The following CNNM1 variants were observed in gnomAD, a reference collection of about 807,000 sequenced individuals.
CNNM1 encodes metal transporter CNNM1.
Under a neutral mutation model 78.8 loss-of-function variants are expected in CNNM1, and 44 were observed. The ratio of observed to expected loss-of-function variants is 0.56; its 90% CI spans 0.44 to 0.72. The LOEUF (loss-of-function observed/expected upper bound fraction) is 0.72, where lower values mean the gene tolerates loss of function less well. Ranked by LOEUF, CNNM1 falls within the 30% of genes least tolerant of loss-of-function variation. The pLI, the probability that CNNM1 is intolerant of heterozygous loss-of-function variation, is 0.00. For missense variants in CNNM1, 1,101 were observed against 1,292.2 expected (o/e 0.85, Z 2.27); for synonymous variants, 584 against 581.5 (o/e 1.00, Z -0.06).
intron 3 of CNNM1, 46 bp from the exon 4 acceptor site, chr10:99,362,181 G>C: frequency 6.5e-7 from 1 of 1,543,136 alleles, no homozygotes; most frequent in Non-Finnish European, 8.8e-7. Context: ...GAATGGGTGG[G>C]ACACAGCTGA....
chr10:99,342,804 C>G (rs1295514368), intron 1 of CNNM1, among the ~76,000 whole-genome samples: 1 of 151,976 alleles, frequency 6.6e-6, no homozygotes, highest in Non-Finnish European at 1.5e-5. Context: ...ACAAGAGGCT[C>G]TAACAGCACT....
rs757590337 is a variant in CNNM1, at chr10:99,330,422, A to G, written c.1035A>G (p.Ser345=). ...TGGGCGCCGAAATCTGCCCCTACTCAGTGTGTTCGCGGCACGGGCTGGCCA... is the reference window on the plus strand; with the variant it reads ...TGGGCGCCGAAATCTGCCCCTACTCGGTGTGTTCGCGGCACGGGCTGGCCA... ...VFLGAEICPY[S]VCSRHGLAIA... Residue 345 remains serine, a synonymous_variant, in exon 1 of 11, where the codon TCA becomes TCG. Transcript: ENST00000356713. 12 of 1,593,976 alleles carry G rather than the reference A, an allele frequency of 7.5e-6. No individual in the cohort carries two copies. The African/African-American group carries it at 1.6e-4, about 21-fold the overall frequency.
chr10:99,388,285 C>T lies in CNNM1; in HGVS notation c.2658C>T (p.Ala886=), dbSNP rs141951948. ...STQQLTLSPA[A]VPTRAASDSE... ...AGCAGCTCACGCTGTCTCCTGCAGC[C>T]GTTCCCACGAGAGCAGGTCAGGGAG... Residue 886 remains alanine (A), a synonymous_variant, in exon 9 of 11, where the codon GCC becomes GCT. Coordinates refer to ENST00000356713, the MANE Select transcript of CNNM1 (RefSeq NM_020348.3). 1.4e-5 allele frequency: 23 copies of T among 1,613,526 alleles called. No homozygotes were observed. In the African/African-American group the frequency reaches 1.6e-4, roughly 11 times the overall value.
At chr10:99,345,436 C>T (rs1043023653) in intron 1 of CNNM1, among the ~76,000 whole-genome samples, 9 of 152,282 alleles carry the variant, frequency 5.9e-5, no homozygotes, top group African/African-American at 2.2e-4. Context: ...TCTCTCTTCT[C>T]CCAGGGACTA....
rs767479349 is a variant in CNNM1, at chr10:99,329,908, G to C, written c.521G>C (p.Arg174Pro). The C allele has an allele frequency of 8.7e-6, 12 of 1,384,994 alleles. No individual in the cohort carries two copies. The East Asian group carries it at 1.2e-4, about 14-fold the overall frequency. The allele number at this position is 1,384,994 out of a possible 1,614,324, so 85.8% of individuals were successfully genotyped here. A position where few individuals can be genotyped will look rare whatever the true frequency, so the allele number is the denominator to read the frequency against. ...GAGCTGCGCAAGGGCGAAGCGGAGC[G>C]GGGCGGCGCGGGCGGTGGCGGGAAG... is the stretch of plus-strand genomic sequence containing the variant. ...VRELRKGEAE[R>P]GGAGGGGKLF... The change falls in exon 1 of 11, where the codon CGG becomes CCG. Residue 174 changes from arginine (R) to proline (P), a missense_variant. By Grantham distance (103) the Arg-to-Pro change is moderately radical. This residue lies in a region of CNNM1 where 476 missense variants were observed against 484.5 expected (regional missense o/e 0.98). Coordinates refer to ENST00000356713, the MANE Select transcript of CNNM1 (RefSeq NM_020348.3).
At position 99,330,869 on chromosome 10, in the gene CNNM1, G is replaced by A. The variant is rs763656851; in HGVS notation, c.1482G>A (p.Pro494=). Residue 494 remains proline (P), a synonymous_variant, in exon 1 of 11, where the codon CCG becomes CCA. Transcript: ENST00000356713. ...LAFVDPDDCT[P]LLTVTRFYNR... ...TCGTGGACCCCGACGACTGCACCCCGCTCCTCACTGTCACCCGCTTCTACA... is the reference window on the plus strand; with the variant it reads ...TCGTGGACCCCGACGACTGCACCCCACTCCTCACTGTCACCCGCTTCTACA... 2.5e-6 allele frequency: 4 copies of A among 1,614,082 alleles called. No individual in the cohort carries two copies. The highest frequency in any genetic ancestry group is 1.1e-5 in the South Asian group (1 of 91,072).
intron 1 of CNNM1, among the ~76,000 whole-genome samples, chr10:99,346,622 A>G (rs959889393): frequency 2.2e-4 from 34 of 152,320 alleles, no homozygotes; most frequent in Admixed American, 6.5e-4. Context: ...GCCACTGAAC[A>G]TCTCCACTTA....
intron 9 of CNNM1, among the ~76,000 whole-genome samples, chr10:99,388,894 C>G (rs1265895845): frequency 1.3e-5 from 2 of 152,156 alleles, no homozygotes; most frequent in African/African-American, 2.4e-5. Context: ...CCCTCTGAGA[C>G]ACTGAACACT....
Position 99,330,025 on chromosome 10 carries a change from G to C in CNNM1, c.638G>C (p.Gly213Ala). ...CTGCGCGTTCGCCCGCGGTTGTACGGCCCAGGCGGGGACCTGCTGCCCCCT... is the reference window on the plus strand; with the variant it reads ...CTGCGCGTTCGCCCGCGGTTGTACGCCCCAGGCGGGGACCTGCTGCCCCCT... The part of the protein sequence containing the change: ...FLLRVRPRLY[G>A]PGGDLLPPAW... The change falls in exon 1 of 11, where the codon GGC (glycine) becomes GCC (alanine). Residue 213 changes from glycine (G) to alanine (A), a missense_variant. This residue lies in a region of CNNM1 where 476 missense variants were observed against 484.5 expected (regional missense o/e 0.98). Transcript: ENST00000356713. The C allele has an allele frequency of 2.0e-6, 3 of 1,475,748 alleles. No individual in the cohort carries two copies. Among genetic ancestry groups the C allele is most frequent in the Middle Eastern group, 2.2e-4 (1 of 4,584 alleles). The allele number at this position is 1,475,748 out of a possible 1,614,324, so 91.4% of individuals were successfully genotyped here.
intron 6 of CNNM1, chr10:99,368,718 A>G (rs1457179288): frequency 1.6e-6 from 2 of 1,278,884 alleles, no homozygotes; most frequent in South Asian, 2.5e-5. Flanking sequence ...CTGTAGATCC[A>G]GAGGGGTTTG....
At chr10:99,355,501 G>A (rs781504546) in intron 1 of CNNM1, among the ~76,000 whole-genome samples, 31 of 152,260 alleles carry the variant, frequency 2.0e-4, no homozygotes, top group Middle Eastern at 3.4e-3. Context: ...ATCTGAATCA[G>A]TACCCCAGAT....
At chr10:99,351,238 G>T (rs1447603438) in intron 1 of CNNM1, among the ~76,000 whole-genome samples, 1 of 152,180 alleles carries the variant, frequency 6.6e-6, no homozygotes, top group Non-Finnish European at 1.5e-5. Flanking sequence ...AATGTGCCAA[G>T]AGCCTAATAG....
At chr10:99,368,809 C>A in intron 6 of CNNM1, 1 of 529,162 alleles carries the variant, frequency 1.9e-6, no homozygotes. Context: ...AGGCATAGCA[C>A]TTTGCACAAA....
chr10:99,359,414 C>T (rs1346844536), intron 2 of CNNM1, among the ~76,000 whole-genome samples: 1 of 152,172 alleles, frequency 6.6e-6, no homozygotes, highest in African/African-American at 2.4e-5. Flanking sequence ...TGGCATGATT[C>T]CCTAAGAGCT....
chr10:99,372,139 T>C (rs535142818), intron 6 of CNNM1, among the ~76,000 whole-genome samples: 1 of 152,230 alleles, frequency 6.6e-6, no homozygotes, highest in East Asian at 1.9e-4. Flanking sequence ...TCAGGGCCCC[T>C]GACTATTACT....
intron 7 of CNNM1, 28 bp from the exon 8 acceptor site, chr10:99,387,791 CT>C (rs756376699): frequency 6.4e-7 from 1 of 1,551,654 alleles, no homozygotes; most frequent in East Asian, 2.3e-5. Context: ...TGCCTAGCTG[CT>C]CCTAAGCTCC....
chr10:99,364,355 C>A, intron 4 of CNNM1, 62 bp from the exon 5 acceptor site: 1 of 1,256,128 alleles, frequency 8.0e-7, no homozygotes, highest in South Asian at 1.3e-5. Flanking sequence ...GGATTCGAGT[C>A]AATAGTAGAA....
At chr10:99,372,771 A>G (rs2031843858) in intron 6 of CNNM1, among the ~76,000 whole-genome samples, 1 of 151,992 alleles carries the variant, frequency 6.6e-6, no homozygotes, top group African/African-American at 2.4e-5. Flanking sequence ...GGAATGTCAG[A>G]CTCCAGGACA....
rs756555970 is a variant in CNNM1 at position 99,391,477 on chromosome 10, C to T, written c.2817C>T (p.Thr939=). The T allele has an allele frequency of 2.5e-6, 4 of 1,613,808 alleles. No individual in the cohort carries two copies. The highest frequency in any genetic ancestry group is 1.7e-5 in the Admixed American group (1 of 60,000). The part of the protein sequence containing the change: ...KRKRSPEGER[T]SEDNSNLTPL... The stretch of plus-strand genomic sequence containing the variant: ...AGAGGTCACCAGAAGGAGAGAGAAC[C>T]TCTGAGGACAACTCCAATTTAACAC... The change falls in exon 11 of 11, where the codon ACC becomes ACT. Residue 939 remains threonine (T), a synonymous_variant. Transcript: ENST00000356713.
Sources: allele counts gnomAD v4.1 joint callset (sites outside exome capture counted in the v4.1 genomes callset), GRCh38; gene constraint gnomAD v4.1.1; regional missense constraint gnomAD v4.1.1; transcripts MANE v1.5; gene names NCBI Gene and HGNC (gene_info 2026-07-23, HGNC 2026-07-21).